Variants in FRS2 observed in about 807,000 individuals in gnomAD.
FRS2 encodes FGFR signalling adaptor.
A neutral mutation model predicts 43.9 loss-of-function variants in FRS2; 8 were observed. That is an observed-to-expected ratio of 0.18 (90% CI 0.11 to 0.33). FRS2 has a LOEUF of 0.33. Ranked by LOEUF, FRS2 falls within the 10% of genes least tolerant of loss-of-function variation. The pLI, the probability that FRS2 is intolerant of heterozygous loss-of-function variation, is 1.00. For synonymous variants in FRS2, 219 were observed against 220.3 expected (o/e 0.99, Z 0.05); for missense variants, 534 against 627.6 (o/e 0.85, Z 1.59).
chr12:69,497,157 G>A (rs571045712), intron 1 of FRS2, among the ~76,000 whole-genome samples: 2 of 152,308 alleles, frequency 1.3e-5, no homozygotes, highest in Admixed American at 6.5e-5. Context: ...CTGCACTCAT[G>A]TAGCCTACAG....
intron 1 of FRS2, among the ~76,000 whole-genome samples, chr12:69,493,477 T>G (rs1259018584): frequency 6.6e-6 from 1 of 152,212 alleles, no homozygotes; most frequent in Non-Finnish European, 1.5e-5. Flanking sequence ...TCCCAGCACT[T>G]TGGAAGGCCA....
chr12:69,534,853 G>A (rs1418612058), intron 3 of FRS2, among the ~76,000 whole-genome samples: 2 of 152,180 alleles, frequency 1.3e-5, no homozygotes, highest in African/African-American at 4.8e-5. Flanking sequence ...GTTGGGGACG[G>A]TGCTTTGATG....
intron 1 of FRS2, among the ~76,000 whole-genome samples, chr12:69,505,896 C>CT (rs1205558004): frequency 1.3e-5 from 2 of 152,182 alleles, no homozygotes; most frequent in Admixed American, 6.5e-5. Flanking sequence ...AGTTCCTTGT[C>CT]TTTTTTCTGT....
At chr12:69,563,162 G>A (rs1022451920) in intron 4 of FRS2, among the ~76,000 whole-genome samples, 1 of 152,124 alleles carries the variant, frequency 6.6e-6, no homozygotes, top group Non-Finnish European at 1.5e-5. Flanking sequence ...ATTATTAGGT[G>A]TCACATAGCT....
chr12:69,524,610 T>C (rs546597563), intron 1 of FRS2, among the ~76,000 whole-genome samples: 1 of 151,968 alleles, frequency 6.6e-6, no homozygotes, highest in Non-Finnish European at 1.5e-5. Flanking sequence ...CCCTGTTTCA[T>C]GGACAAGACT....
intron 1 of FRS2, among the ~76,000 whole-genome samples, chr12:69,498,922 C>T (rs949527329): frequency 6.6e-6 from 1 of 152,136 alleles, no homozygotes; most frequent in Non-Finnish European, 1.5e-5. Flanking sequence ...TCATTACACA[C>T]TTGATGTTTA....
intron 1 of FRS2, among the ~76,000 whole-genome samples, chr12:69,484,533 A>C (rs1055008174): frequency 2.0e-5 from 3 of 152,056 alleles, no homozygotes; most frequent in African/African-American, 7.2e-5. Context: ...ATTATCTCCT[A>C]GTTACTCTCC....
intron 1 of FRS2, among the ~76,000 whole-genome samples, chr12:69,477,850 C>T (rs929071889): frequency 7.3e-5 from 11 of 151,448 alleles, no homozygotes; most frequent in Non-Finnish European, 1.2e-4. Context: ...ACGCCATTCT[C>T]CTGCCTCAGC....
intron 1 of FRS2, among the ~76,000 whole-genome samples, chr12:69,495,578 T>C (rs372511337): frequency 1.3e-5 from 2 of 152,318 alleles, no homozygotes; most frequent in African/African-American, 4.8e-5. Context: ...GAATGGAGTA[T>C]TTAAAAAATG....
At chr12:69,548,457 C>T (rs113514295) in intron 3 of FRS2, among the ~76,000 whole-genome samples, 4 of 152,236 alleles carry the variant, frequency 2.6e-5, no homozygotes, top group African/African-American at 9.6e-5. Context: ...AATTCCTTCT[C>T]AAACATTTTT....
At chr12:69,524,979 G>A (rs868588871) in intron 1 of FRS2, among the ~76,000 whole-genome samples, 3 of 151,990 alleles carry the variant, frequency 2.0e-5, no homozygotes, top group East Asian at 3.9e-4. Context: ...GCTTCCTCCC[G>A]CTTCAGCTAT....
At position 69,578,834 on chromosome 12, in the gene FRS2, G is replaced by A. The variant is rs936683061; in HGVS notation, c.*3879G>A. On this transcript the variant is annotated 3_prime_UTR_variant, in exon 9 of 9. Coordinates refer to ENST00000549921, the MANE Select transcript of FRS2 (RefSeq NM_001278356.2). ...TTAATTTTTTCTTTTATAAAAAATT[G>A]TCCAACAGTGGGACTACCATTGCCA... The A allele has an allele frequency of 1.3e-5, 2 of 152,438 alleles. No individual in the cohort carries two copies. Among genetic ancestry groups the A allele is most frequent in the African/African-American group, 4.8e-5 (2 of 41,374 alleles). The allele number at this position is 152,438 out of a possible 1,614,324, so 9.4% of individuals were successfully genotyped here. A position where few individuals can be genotyped will look rare whatever the true frequency, so the allele number is the denominator to read the frequency against.
intron 3 of FRS2, among the ~76,000 whole-genome samples, chr12:69,555,097 T>G (rs574433367): frequency 6.6e-6 from 1 of 151,984 alleles, no homozygotes; most frequent in African/African-American, 2.4e-5. Context: ...CAGGCTGGAG[T>G]GCAGTGGCGC....
At chr12:69,475,788 C>T (rs906628603) in intron 1 of FRS2, among the ~76,000 whole-genome samples, 4 of 151,898 alleles carry the variant, frequency 2.6e-5, no homozygotes, top group African/African-American at 7.3e-5. Context: ...TTGTGGCTCC[C>T]GAAGTGCTGG....
At chr12:69,566,802 C>A (rs1880339391) in intron 4 of FRS2, among the ~76,000 whole-genome samples, 1 of 152,102 alleles carries the variant, frequency 6.6e-6, no homozygotes, top group Non-Finnish European at 1.5e-5. Flanking sequence ...ACACTAGAGG[C>A]AGGCTATCTT....
chr12:69,557,619 T>TGTGC lies in FRS2; in HGVS notation c.-121-4560_-121-4559insTGCG, dbSNP rs1555192498. Among the ~76,000 whole-genome samples the TGTGC allele has an allele frequency of 4.7e-3, 559 of 119,008 alleles. 3 individuals carry two copies. Among genetic ancestry groups the TGTGC allele is most frequent in the Admixed American group, 0.012 (145 of 11,934 alleles). The allele number at this position is 119,008 out of a possible 152,430, so 78.1% of individuals were successfully genotyped here. On this transcript the variant is annotated intron_variant, in intron 3 of 8. Coordinates refer to ENST00000549921, the MANE Select transcript of FRS2 (RefSeq NM_001278356.2). ...TTGTGTGTGTGTGTGTGTGTGTGTG[T>TGTGC]GCGCGCGCGCGCGCGCGCAGGTGCA...
chr12:69,569,116 T>A lies in FRS2; in HGVS notation c.66+20T>A. ...TTTAAGGTCAGTAAAACTGGTTGAG[T>A]TATATATCTTACTGCCTAGTTGGGT... On this transcript the variant is annotated intron_variant, in intron 5 of 8. Transcript: ENST00000549921. The A allele has an allele frequency of 6.9e-7, 1 of 1,459,430 alleles. No homozygotes were observed. Among genetic ancestry groups the A allele is most frequent in the Non-Finnish European group, 9.6e-7 (1 of 1,043,176 alleles). The allele number at this position is 1,459,430 out of a possible 1,614,324, so 90.4% of individuals were successfully genotyped here. A position where few individuals can be genotyped will look rare whatever the true frequency, so the allele number is the denominator to read the frequency against.
chr12:69,544,104 CTTT>C (rs77592131), intron 3 of FRS2, among the ~76,000 whole-genome samples: 1 of 134,926 alleles, frequency 7.4e-6, no homozygotes. Flanking sequence ...GGGAGGCTTT[CTTT>C]TTTTTTTTTT....
chr12:69,470,782 T>A (rs1362803969), intron 1 of FRS2, among the ~76,000 whole-genome samples: 1 of 151,688 alleles, frequency 6.6e-6, no homozygotes, highest in African/African-American at 2.4e-5. Context: ...GACTCGAGAG[T>A]GGGGATGGGC....
Sources: allele counts gnomAD v4.1 joint callset (sites outside exome capture counted in the v4.1 genomes callset), GRCh38; gene constraint gnomAD v4.1.1; transcripts MANE v1.5; gene names NCBI Gene and HGNC (gene_info 2026-07-23, HGNC 2026-07-21).